The following GREB1 variants were observed in gnomAD, a reference collection of about 807,000 sequenced individuals.
The protein encoded by GREB1 is protein GREB1.
Under a neutral mutation model 200.7 loss-of-function variants are expected in GREB1, and 106 were observed. That is an observed-to-expected ratio of 0.53 (90% CI 0.45 to 0.62). GREB1 has a LOEUF of 0.62. Ranked by LOEUF, GREB1 falls within the 20% of genes least tolerant of loss-of-function variation. The pLI is 0.00. For missense variants in GREB1, 2,243 were observed against 2,556.8 expected (o/e 0.88, Z 2.65); for synonymous variants, 1,132 against 1,092.4 (o/e 1.04, Z -0.72).
At chr2:11,608,816 T>G (rs1321018739) in intron 17 of GREB1, among the ~76,000 whole-genome samples, 1 of 152,260 alleles carries the variant, frequency 6.6e-6, no homozygotes, top group Non-Finnish European at 1.5e-5. Flanking sequence ...TCCTTACATA[T>G]GTGCACTGCT....
chr2:11,614,103 A>G (rs1169939882), intron 19 of GREB1, among the ~76,000 whole-genome samples: 3 of 150,610 alleles, frequency 2.0e-5, no homozygotes, highest in African/African-American at 7.4e-5. Context: ...ATTACATTTA[A>G]TCTTTATCAC....
At position 11,642,732 on chromosome 2, in the gene GREB1, C is replaced by G. The variant is rs1685883594; in HGVS notation, c.*2278C>G. The stretch of plus-strand genomic sequence containing the variant: ...TAGTTAATTTAAATTGGAAAAAACC[C>G]TCAAACTAATATTCTTGTCTGTTCC... On this transcript the variant is annotated 3_prime_UTR_variant, in exon 33 of 33. Transcript: ENST00000381486. 6.6e-6 allele frequency: 1 copy of G among 152,062 alleles called. No individual in the cohort carries two copies. Among genetic ancestry groups the G allele is most frequent in the African/African-American group, 2.4e-5 (1 of 41,386 alleles). 9.4% of individuals were successfully genotyped at this position (152,062 alleles called of 1,614,324 possible).
chr2:11,619,293 G>C (rs1165711028), intron 22 of GREB1, among the ~76,000 whole-genome samples: 3 of 152,178 alleles, frequency 2.0e-5, no homozygotes, highest in African/African-American at 7.2e-5. Context: ...AGAACTAGGG[G>C]TTCTGTTTCC....
chr2:11,573,648 C>G (rs1678541349), intron 4 of GREB1, among the ~76,000 whole-genome samples: 2 of 152,180 alleles, frequency 1.3e-5, no homozygotes, highest in South Asian at 2.1e-4. Context: ...TCCAAGACAC[C>G]TCACAGAAGA....
At chr2:11,551,877 T>C (rs917385332) in intron 1 of GREB1, among the ~76,000 whole-genome samples, 19 of 152,248 alleles carry the variant, frequency 1.2e-4, no homozygotes, top group Admixed American at 1.1e-3. Flanking sequence ...CACTGATTTC[T>C]CCCCTCTTTT....
chr2:11,584,199 C>T (rs1162834823), intron 7 of GREB1, among the ~76,000 whole-genome samples: 1 of 152,146 alleles, frequency 6.6e-6, no homozygotes, highest in African/African-American at 2.4e-5. Context: ...GAAGTTGAGA[C>T]ATGAATCTCT....
chr2:11,631,839 G>A, intron 26 of GREB1, 70 bp from the exon 27 acceptor site: 1 of 1,164,808 alleles, frequency 8.6e-7, no homozygotes, highest in Non-Finnish European at 1.3e-6. Context: ...ATACTGCAAA[G>A]TCACATGTCA....
chr2:11,508,152 C>T (rs1673235966), intron 1 of GREB1, among the ~76,000 whole-genome samples: 1 of 152,184 alleles, frequency 6.6e-6, no homozygotes, highest in Non-Finnish European at 1.5e-5. Flanking sequence ...ACACTGAGCT[C>T]TTCCAGGCCC....
rs771020064 is a variant in GREB1 at position 11,566,597 on chromosome 2, T to C, written c.395T>C (p.Leu132Pro). ...TCCCCCAGCCTGCCGGACCATCTCC[T>C]GGTGTGCGCCGTTGACAAGAGGTTC... ...VKSPSLPDHL[L>P]VCAVDKRFLP... Residue 132 changes from leucine to proline, a missense_variant, in exon 4 of 33, where the codon CTG (leucine) becomes CCG (proline). Physicochemically the swap from Leu to Pro is moderately conservative, Grantham distance 98. Around this residue, in one of 3 missense-constraint regions of GREB1, gnomAD observed 1,178 missense variants for 1,387.4 expected, o/e 0.85. Coordinates refer to ENST00000381486, the MANE Select transcript of GREB1 (RefSeq NM_014668.4). 11 of 1,614,132 alleles carry C rather than the reference T, an allele frequency of 6.8e-6. No homozygotes were observed. The highest frequency in any genetic ancestry group is 9.3e-6 in the Non-Finnish European group (11 of 1,179,994).
intron 17 of GREB1, among the ~76,000 whole-genome samples, chr2:11,606,083 C>G (rs1366073189): frequency 6.6e-6 from 1 of 152,162 alleles, no homozygotes; most frequent in Non-Finnish European, 1.5e-5. Flanking sequence ...AACTCCAGAA[C>G]TGTCCCCGCC....
intron 8 of GREB1, 151 bp from the exon 9 acceptor site, chr2:11,585,611 C>T: frequency 1.3e-6 from 1 of 767,428 alleles, no homozygotes; most frequent in South Asian, 1.8e-5. Context: ...GTGCCGTTGA[C>T]CTTAGGAATC....
Position 11,571,742 on chromosome 2 carries a change from G to A in GREB1, c.455-4611G>A, listed in dbSNP as rs143787532. On this transcript the variant is annotated intron_variant, in intron 4 of 32. Transcript: ENST00000381486. ...TTTTTTCTTTTTGAGACGGAGTCTC[G>A]CTCTGTCTCCCAGGCTGGAGTGCAG... Among the ~76,000 whole-genome samples the A allele has an allele frequency of 3.4e-3, 506 of 150,926 alleles. 3 individuals carry two copies. Among genetic ancestry groups the A allele is most frequent in the African/African-American group, 0.011 (466 of 41,080 alleles).
intron 13 of GREB1, among the ~76,000 whole-genome samples, chr2:11,596,855 G>A (rs1681307778): frequency 7.8e-6 from 1 of 128,804 alleles, no homozygotes; most frequent in Non-Finnish European, 1.6e-5. Context: ...GGTCACTGGT[G>A]TGTACAGTGA....
chr2:11,589,539 C>T (rs146863459), intron 10 of GREB1, among the ~76,000 whole-genome samples: 148 of 152,196 alleles, frequency 9.7e-4, no homozygotes, highest in African/African-American at 3.4e-3. Flanking sequence ...GGGCCGGCTC[C>T]GGTCAAGGGT....
chr2:11,573,916 C>T lies in GREB1; in HGVS notation c.455-2437C>T, dbSNP rs1366918785. On this transcript the variant is annotated intron_variant, in intron 4 of 32. Transcript: ENST00000381486. ...GCTGTCTCTGGAGAGGTTTGACAGC[C>T]TGGCCTTGGCAAGTTGCTCTTAGTT... Among the ~76,000 whole-genome samples the T allele has an allele frequency of 2.0e-5, 3 of 152,214 alleles. No homozygotes were observed. In the East Asian group the frequency reaches 5.8e-4, roughly 29 times the overall value.
intron 1 of GREB1, among the ~76,000 whole-genome samples, chr2:11,519,718 A>G (rs931407380): frequency 6.6e-6 from 1 of 152,042 alleles, no homozygotes; most frequent in African/African-American, 2.4e-5. Flanking sequence ...GGCCTCCCAA[A>G]GTGCTGTGAT....
Position 11,625,660 on chromosome 2 carries a change from C to T in GREB1, c.4306+348C>T, listed in dbSNP as rs375120176. 6.6e-5 allele frequency among the ~76,000 whole-genome samples: 10 copies of T among 152,216 alleles called. No homozygotes were observed. In the East Asian group the frequency reaches 1.2e-3, roughly 18 times the overall value. Reference sequence around the variant, plus strand: ...GTACACGTGTTCACCTCTCCTCCCCCGGTGTCTTGATTTTTCCCTCCCTCA... The same window carrying T: ...GTACACGTGTTCACCTCTCCTCCCCTGGTGTCTTGATTTTTCCCTCCCTCA... On this transcript the variant is annotated intron_variant, in intron 24 of 32. Transcript: ENST00000381486.
chr2:11,544,790 A>G (rs1675106965), intron 1 of GREB1, among the ~76,000 whole-genome samples: 1 of 152,022 alleles, frequency 6.6e-6, no homozygotes, highest in Admixed American at 6.5e-5. Context: ...TCTGCAGGCC[A>G]CATTCTTAGA....
chr2:11,574,784 G>T (rs555108652), intron 4 of GREB1, among the ~76,000 whole-genome samples: 2 of 152,302 alleles, frequency 1.3e-5, no homozygotes, highest in South Asian at 4.1e-4. Context: ...GACAAGAATG[G>T]CCCTGGTTCC....
Sources: gnomAD v4.1 joint callset for allele counts (sites outside exome capture counted in the v4.1 genomes callset) on GRCh38, gnomAD v4.1.1 for gene constraint, gnomAD v4.1.1 regional missense constraint, MANE v1.5 for transcripts, NCBI Gene and HGNC (gene_info 2026-07-23, HGNC 2026-07-21) for gene names.